Variants in ANKRD6 observed in about 807,000 individuals in gnomAD.
ANKRD6 encodes the protein ankyrin repeat domain 6.
A neutral mutation model predicts 82.3 loss-of-function variants in ANKRD6; 56 were observed. The observed-to-expected ratio is 0.68, with a 90% CI of 0.55 to 0.85. ANKRD6 has a LOEUF of 0.85. ANKRD6 is among the 40% of genes least tolerant of loss of function. The pLI, the probability that ANKRD6 is intolerant of heterozygous loss-of-function variation, is 0.00. For synonymous variants in ANKRD6, 347 were observed against 352.1 expected (o/e 0.99, Z 0.16); for missense variants, 852 against 907.6 (o/e 0.94, Z 0.79).
intron 2 of ANKRD6, among the ~76,000 whole-genome samples, chr6:89,592,669 G>A (rs1183862952): frequency 2.0e-5 from 3 of 152,192 alleles, no homozygotes; most frequent in African/African-American, 7.2e-5. Context: ...CATAGAGTAA[G>A]TAGTTTAAAC....
chr6:89,493,783 T>C (rs1207610961), intron 1 of ANKRD6, among the ~76,000 whole-genome samples: 1 of 152,136 alleles, frequency 6.6e-6, no homozygotes, highest in Non-Finnish European at 1.5e-5. Context: ...GGATAAGCCC[T>C]TCCTCACAGA....
chr6:89,528,161 C>T (rs1782737853), intron 1 of ANKRD6, among the ~76,000 whole-genome samples: 1 of 152,210 alleles, frequency 6.6e-6, no homozygotes, highest in South Asian at 2.1e-4. Flanking sequence ...TTGATTGACT[C>T]TTCTTTCACA....
intron 1 of ANKRD6, among the ~76,000 whole-genome samples, chr6:89,477,660 A>G (rs1213577243): frequency 6.6e-6 from 1 of 151,262 alleles, no homozygotes; most frequent in Non-Finnish European, 1.5e-5. Flanking sequence ...AGTCCCAGCT[A>G]CTCGGGAGGC....
chr6:89,441,700 T>C (rs961116580), intron 1 of ANKRD6, among the ~76,000 whole-genome samples: 118 of 145,142 alleles, frequency 8.1e-4, no homozygotes, highest in African/African-American at 2.9e-3. Context: ...TGGCATGATC[T>C]TGGCTCACTG....
chr6:89,557,079 G>T (rs911067060), intron 1 of ANKRD6, among the ~76,000 whole-genome samples: 3 of 152,178 alleles, frequency 2.0e-5, no homozygotes, highest in Non-Finnish European at 4.4e-5. Context: ...GATGAAAGAT[G>T]GAGCCCCTCA....
chr6:89,630,815 G>A lies in ANKRD6; in HGVS notation c.1995G>A (p.Leu665=). 1 of 1,613,948 alleles carries A rather than the reference G, an allele frequency of 6.2e-7. No homozygotes were observed. The highest frequency in any genetic ancestry group is 8.5e-7 in the Non-Finnish European group (1 of 1,179,888). ...ACATTCGGGACACCTCCCAAGCTCTGGAGCTTACCCAGTATTTTTTTGAGG... is the reference window on the plus strand; with the variant it reads ...ACATTCGGGACACCTCCCAAGCTCTAGAGCTTACCCAGTATTTTTTTGAGG... ...GPHIRDTSQA[L]ELTQYFFEAV... is the part of the protein sequence containing the mutation. Residue 665 remains leucine, a synonymous_variant, in exon 16 of 16, where the codon CTG becomes CTA. Transcript: ENST00000339746.
intron 2 of ANKRD6, among the ~76,000 whole-genome samples, chr6:89,589,128 A>G (rs1349193860): frequency 1.3e-5 from 2 of 151,348 alleles, no homozygotes; most frequent in Non-Finnish European, 2.9e-5. Context: ...CATTCCTGGG[A>G]CAGGTACTGT....
chr6:89,449,309 T>C (rs1276663347), intron 1 of ANKRD6, among the ~76,000 whole-genome samples: 2 of 152,188 alleles, frequency 1.3e-5, no homozygotes, highest in African/African-American at 4.8e-5. Context: ...GTAAGAGAAC[T>C]ACAGTTAGAA....
intron 1 of ANKRD6, among the ~76,000 whole-genome samples, chr6:89,439,051 G>A (rs1230754593): frequency 1.3e-5 from 2 of 152,170 alleles, no homozygotes; most frequent in Non-Finnish European, 2.9e-5. Context: ...AGTGGAGGGT[G>A]TGGAGAAGAC....
In ANKRD6 at chr6:89,631,719, A is replaced by G. The variant is rs1807445443; in HGVS notation, c.*715A>G. 6.6e-6 allele frequency: 1 copy of G among 152,002 alleles called. No homozygotes were observed. The highest frequency in any genetic ancestry group is 2.1e-4 in the South Asian group (1 of 4,802). 9.4% of individuals were successfully genotyped at this position (152,002 alleles called of 1,614,324 possible). A position where few individuals can be genotyped will look rare whatever the true frequency, so the allele number is the denominator to read the frequency against. ...TTGTTATTTTCTGTATTTTCAGTCA[A>G]AAAATCAGTTATATAGTGATTTTAA... On this transcript the variant is annotated 3_prime_UTR_variant, in exon 16 of 16. Transcript: ENST00000339746.
At chr6:89,570,063 A>ATGTGTGTG (rs10651458) in intron 2 of ANKRD6, among the ~76,000 whole-genome samples, 8,452 of 148,798 alleles carry the variant, frequency 0.057, 345 homozygotes, top group East Asian at 0.19. Context: ...ATGTGTGTAT[A>ATGTGTGTG]TGTGTGTGTG....
intron 1 of ANKRD6, among the ~76,000 whole-genome samples, chr6:89,517,972 C>T (rs1781424336): frequency 6.6e-6 from 1 of 152,206 alleles, no homozygotes; most frequent in Admixed American, 6.5e-5. Context: ...TTCATGGATT[C>T]ATTCAATAGT....
chr6:89,531,337 C>G (rs1333987341), intron 1 of ANKRD6, among the ~76,000 whole-genome samples: 1 of 152,228 alleles, frequency 6.6e-6, no homozygotes, highest in Non-Finnish European at 1.5e-5. Context: ...ACCAATGAAT[C>G]CCTGTTACTA....
At position 89,523,833 on chromosome 6, in the gene ANKRD6, T is replaced by C. The variant is rs565412173; in HGVS notation, c.-143-43001T>C. On this transcript the variant is annotated intron_variant, in intron 1 of 15. Coordinates refer to ENST00000339746, the MANE Select transcript of ANKRD6 (RefSeq NM_001242809.2). ...GAAGTCACTACCCTCAAGGAGTTTA[T>C]AGCATGAATAAATCTTTTTTGTCAG... Among the ~76,000 whole-genome samples the C allele has an allele frequency of 2.0e-5, 3 of 152,270 alleles. No homozygotes were observed. The East Asian group carries it at 5.8e-4, about 29-fold the overall frequency.
intron 1 of ANKRD6, among the ~76,000 whole-genome samples, chr6:89,543,723 C>T (rs1784704127): frequency 6.6e-6 from 1 of 152,166 alleles, no homozygotes; most frequent in African/African-American, 2.4e-5. Flanking sequence ...GACTGAATTG[C>T]AGCATCTGAT....
intron 2 of ANKRD6, among the ~76,000 whole-genome samples, chr6:89,573,066 T>C (rs973148717): frequency 6.6e-6 from 1 of 152,038 alleles, no homozygotes; most frequent in African/African-American, 2.4e-5. Flanking sequence ...GCTCAAGCAA[T>C]CCTCCTGCCT....
At chr6:89,547,813 A>G (rs114814932) in intron 1 of ANKRD6, among the ~76,000 whole-genome samples, 10 of 152,304 alleles carry the variant, frequency 6.6e-5, no homozygotes, top group African/African-American at 2.2e-4. Flanking sequence ...TGTCACTTCA[A>G]TTGTTAATGG....
At chr6:89,604,724 C>G (rs1396750129) in intron 4 of ANKRD6, among the ~76,000 whole-genome samples, 1 of 152,152 alleles carries the variant, frequency 6.6e-6, no homozygotes, top group African/African-American at 2.4e-5. Context: ...CTTCTGCAGT[C>G]AGTCCCACTG....
At chr6:89,515,942 G>GA (rs1347991855) in intron 1 of ANKRD6, among the ~76,000 whole-genome samples, 2 of 152,210 alleles carry the variant, frequency 1.3e-5, no homozygotes, top group Non-Finnish European at 2.9e-5. Context: ...GTTGTGGCCT[G>GA]AACCAAGGAC....
Sources: gnomAD v4.1 joint callset for allele counts (sites outside exome capture counted in the v4.1 genomes callset) on GRCh38, gnomAD v4.1.1 for gene constraint, MANE v1.5 for transcripts, NCBI Gene and HGNC (gene_info 2026-07-23, HGNC 2026-07-21) for gene names.